Variants in ADISSP observed in about 807,000 individuals in gnomAD.
ADISSP encodes adipose-secreted signaling protein.
the ADISSP span, among the ~76,000 whole-genome samples, chr20:3,762,631 C>T: frequency 1.6e-4 from 25 of 152,296 alleles, no homozygotes; most frequent in Admixed American, 7.8e-4. Flanking sequence ...GGATTACAGA[C>T]GTGAGCCGCC....
the ADISSP span, among the ~76,000 whole-genome samples, chr20:3,761,633 GC>G: frequency 6.6e-6 from 1 of 152,180 alleles, no homozygotes; most frequent in African/African-American, 2.4e-5. Flanking sequence ...ACCATGCCTG[GC>G]CGAGGACCTG....
chr20:3,754,005 G>T, the ADISSP span: 1 of 1,356,450 alleles, frequency 7.4e-7, no homozygotes, highest in Non-Finnish European at 1.0e-6. Context: ...CATGTCGGGG[G>T]GACAAGGCGG....
the ADISSP span, chr20:3,754,406 G>A: frequency 9.3e-6 from 15 of 1,613,106 alleles, no homozygotes; most frequent in Non-Finnish European, 1.3e-5. Context: ...CCCATGACGC[G>A]GGCCTGCACC....
At chr20:3,758,491 G>C in the ADISSP span, 1 of 1,591,258 alleles carries the variant, frequency 6.3e-7, no homozygotes. The surrounding 1 kb of genome is among the most constrained non-coding windows in gnomAD (Gnocchi z 5.5). Context: ...GCCAGGCAGA[G>C]CCGGGGAGGG....
chr20:3,757,914 G>A, the ADISSP span, among the ~76,000 whole-genome samples: 6 of 151,834 alleles, frequency 4.0e-5, no homozygotes, highest in Non-Finnish European at 4.4e-5. Flanking sequence ...GACCTCCCCC[G>A]ACCCAAGGGC....
chr20:3,762,514 C>A, the ADISSP span, among the ~76,000 whole-genome samples: 1 of 152,096 alleles, frequency 6.6e-6, no homozygotes, highest in Non-Finnish European at 1.5e-5. Context: ...GAGACCACAG[C>A]CACGCACCAC....
At chr20:3,764,441 G>A in the ADISSP span, among the ~76,000 whole-genome samples, 1 of 151,986 alleles carries the variant, frequency 6.6e-6, no homozygotes. Flanking sequence ...CCGTCCCCCC[G>A]CCCTGCCTTT....
chr20:3,757,192 T>C, the ADISSP span, among the ~76,000 whole-genome samples: 1 of 151,750 alleles, frequency 6.6e-6, no homozygotes, highest in South Asian at 2.1e-4. Context: ...CTACTAAAAA[T>C]ATAAAAAATT....
chr20:3,767,011 G>A, the ADISSP span, among the ~76,000 whole-genome samples: 1 of 152,022 alleles, frequency 6.6e-6, no homozygotes, highest in African/African-American at 2.4e-5. Context: ...GAGGCCCCAA[G>A]GGTCCAGGTG....
At chr20:3,765,559 C>CCAAAG in the ADISSP span, among the ~76,000 whole-genome samples, 1 of 152,202 alleles carries the variant, frequency 6.6e-6, no homozygotes. Flanking sequence ...AAGCAAACCC[C>CCAAAG]CAAAGGCCTG....
chr20:3,760,775 A>T, the ADISSP span, among the ~76,000 whole-genome samples: 1 of 152,114 alleles, frequency 6.6e-6, no homozygotes. Context: ...CCCCATTCAG[A>T]CCCTGCCCTG....
chr20:3,760,314 T>C, the ADISSP span: 74 of 562,482 alleles, frequency 1.3e-4, no homozygotes, highest in Middle Eastern at 9.6e-4. Context: ...AAGTGGTGCC[T>C]GTACTCTCTA....
At chr20:3,757,653 CAG>C in the ADISSP span, among the ~76,000 whole-genome samples, 3 of 152,026 alleles carry the variant, frequency 2.0e-5, no homozygotes, top group African/African-American at 4.8e-5. Flanking sequence ...TTGTTTGAGA[CAG>C]AGTCTTTCTG....
chr20:3,755,757 C>T, the ADISSP span: 6 of 577,004 alleles, frequency 1.0e-5, no homozygotes, highest in African/African-American at 6.6e-5. Context: ...TCCAGCTGAT[C>T]GACCCCCAGC....
chr20:3,759,472 G>C, the ADISSP span, among the ~76,000 whole-genome samples: 2 of 152,142 alleles, frequency 1.3e-5, no homozygotes, highest in Non-Finnish European at 1.5e-5. This position sits in a 1 kb window ranked among gnomAD's most constrained non-coding sequence, Gnocchi z 4.6. Context: ...AGGCTGTAGA[G>C]GCCGAGAGCA....
chr20:3,768,149 G>A, the ADISSP span: 1 of 152,410 alleles, frequency 6.6e-6, no homozygotes, highest in Non-Finnish European at 1.5e-5. Flanking sequence ...CGCGTCTCGG[G>A]GCTGGGTGGA....
chr20:3,755,714 A>G, the ADISSP span: 253,454 of 965,284 alleles, frequency 0.26, 35,217 homozygotes, highest in East Asian at 0.4. Flanking sequence ...CTGCTTCCCC[A>G]GAGAGCCCAG....
the ADISSP span, chr20:3,758,784 C>T: frequency 1.1e-5 from 12 of 1,093,578 alleles, no homozygotes; most frequent in Non-Finnish European, 1.6e-5. The surrounding 1 kb of genome is among the most constrained non-coding windows in gnomAD (Gnocchi z 5.5). Context: ...CATCCAGCTC[C>T]CACTGGCTGG....
At chr20:3,754,643 G>C in the ADISSP span, 2 of 988,904 alleles carry the variant, frequency 2.0e-6, no homozygotes, top group Non-Finnish European at 3.1e-6. Flanking sequence ...CAAGAAAGGG[G>C]CAGGGATGGC....
Sources: gnomAD v4.1 joint callset for allele counts (sites outside exome capture counted in the v4.1 genomes callset) on GRCh38, gnomAD v4.1.1 for gene constraint, Gnocchi (gnomAD v3.1) non-coding constraint, MANE v1.5 for transcripts, NCBI Gene and HGNC (gene_info 2026-07-23, HGNC 2026-07-21) for gene names.